TINAG: variants seen among roughly 807,000 people sequenced by gnomAD.
TINAG encodes tubulointerstitial nephritis antigen.
A neutral mutation model predicts 72.7 loss-of-function variants in TINAG; 83 were observed. The ratio of observed to expected loss-of-function variants is 1.14; its 90% confidence interval spans 0.96 to 1.37. The LOEUF (loss-of-function observed/expected upper bound fraction) is 1.37, where lower values mean the gene tolerates loss of function less well. TINAG is among the 40% of genes most tolerant of loss of function. The pLI is 0.00. For synonymous variants in TINAG, 234 were observed against 189.9 expected, an observed-to-expected ratio of 1.23 and a Z score of -1.91; for missense variants, 685 against 576.6, an observed-to-expected ratio of 1.19 and a Z score of -1.93.
chr6:54,343,200 T>C, intron 4 of TINAG, 26 bp from the exon 5 acceptor site: 2 of 1,494,884 alleles, frequency 1.3e-6, no homozygotes, highest in Non-Finnish European at 1.8e-6. Flanking sequence ...GAAAATCTCA[T>C]ATATGTACCT....
chr6:54,308,233 A>G, upstream of TINAG: 2 of 943,080 alleles, frequency 2.1e-6, no homozygotes, highest in Non-Finnish European at 3.2e-6. Flanking sequence ...AGAGGCATGC[A>G]ATAGTCAATG....
At chr6:54,372,723 CATACATATATATATATATATATATAT>C (rs1763658099) in intron 9 of TINAG, among the ~76,000 whole-genome samples, 1 of 122,598 alleles carries the variant, frequency 8.2e-6, no homozygotes, top group Non-Finnish European at 1.6e-5. Context: ...TATATAAATA[CATACATATATATATATATATATATAT>C]ATATATATAT....
intron 4 of TINAG, among the ~76,000 whole-genome samples, chr6:54,341,868 G>A (rs781664173): frequency 2.0e-5 from 3 of 152,136 alleles, no homozygotes; most frequent in Non-Finnish European, 2.9e-5. Context: ...AGTCCTAGGA[G>A]CATTTCTTGT....
At chr6:54,312,511 T>C (rs528735655) in intron 1 of TINAG, among the ~76,000 whole-genome samples, 5 of 152,168 alleles carry the variant, frequency 3.3e-5, no homozygotes, top group Non-Finnish European at 7.4e-5. Context: ...AAGTTCCCTT[T>C]AAGACTAGTA....
intron 10 of TINAG, 100 bp from the exon 11 acceptor site, chr6:54,389,687 GATAA>G: frequency 1.5e-6 from 2 of 1,367,892 alleles, no homozygotes; most frequent in Non-Finnish European, 2.0e-6. Flanking sequence ...TATAGTCTAT[GATAA>G]ATCAAAGGCA....
intron 10 of TINAG, among the ~76,000 whole-genome samples, chr6:54,383,264 A>G (rs903892592): frequency 2.0e-5 from 3 of 152,178 alleles, no homozygotes; most frequent in Non-Finnish European, 4.4e-5. Flanking sequence ...CAGGAAAGCA[A>G]AAACTTTATT....
At chr6:54,369,017 A>G (rs1372809429) in intron 9 of TINAG, among the ~76,000 whole-genome samples, 2 of 151,888 alleles carry the variant, frequency 1.3e-5, no homozygotes, top group Non-Finnish European at 2.9e-5. Flanking sequence ...TTTTCTGATC[A>G]TAAAAGTAAT....
intron 2 of TINAG, 45 bp from the exon 3 acceptor site, chr6:54,321,252 C>T: frequency 7.1e-7 from 1 of 1,418,284 alleles, no homozygotes; most frequent in Non-Finnish European, 1.0e-6. Context: ...TTGAAATATA[C>T]TTCATAAAGA....
At chr6:54,388,589 G>A (rs969554629) in intron 10 of TINAG, among the ~76,000 whole-genome samples, 1 of 152,184 alleles carries the variant, frequency 6.6e-6, no homozygotes, top group African/African-American at 2.4e-5. Flanking sequence ...GCGAGTGTGA[G>A]AGCTGTTGAG....
Position 54,370,854 on chromosome 6 carries a change from G to T in TINAG, c.1251-9672G>T, listed in dbSNP as rs1456798134. 2.0e-5 allele frequency among the ~76,000 whole-genome samples: 3 copies of T among 152,038 alleles called. No homozygotes were observed. The East Asian group carries it at 5.8e-4, about 29-fold the overall frequency. ...GAATCAACTTGACAGAACAGTTTGT[G>T]TTCCATTTGTTTTGTCTTGTTTGAC... On this transcript the variant is annotated intron_variant, in intron 9 of 10. Transcript: ENST00000259782.
At chr6:54,318,059 G>A (rs1378960889) in intron 1 of TINAG, among the ~76,000 whole-genome samples, 1 of 151,750 alleles carries the variant, frequency 6.6e-6, no homozygotes, top group East Asian at 1.9e-4. Flanking sequence ...CCACTCCTTC[G>A]CAGTTTCCTC....
intron 4 of TINAG, among the ~76,000 whole-genome samples, chr6:54,338,331 G>T (rs1784915470): frequency 1.3e-5 from 2 of 152,078 alleles, no homozygotes; most frequent in Non-Finnish European, 2.9e-5. Context: ...CTGTTAAAAA[G>T]TAGACTTCTA....
intron 10 of TINAG, among the ~76,000 whole-genome samples, chr6:54,381,574 A>G (rs977983193): frequency 1.3e-5 from 2 of 152,198 alleles, no homozygotes; most frequent in East Asian, 3.9e-4. Flanking sequence ...TTGTTGATAC[A>G]TGGAGGTATG....
chr6:54,319,090 G>A (rs1174922010), intron 1 of TINAG, among the ~76,000 whole-genome samples: 1 of 151,934 alleles, frequency 6.6e-6, no homozygotes, highest in Non-Finnish European at 1.5e-5. Flanking sequence ...TTTCCTTAAG[G>A]ACCCTTGAGA....
chr6:54,329,972 G>T (rs1784699378), intron 4 of TINAG, among the ~76,000 whole-genome samples: 1 of 151,946 alleles, frequency 6.6e-6, no homozygotes, highest in East Asian at 1.9e-4. Context: ...GATTCATAAA[G>T]CAAGTTCTTA....
At chr6:54,375,853 A>T (rs1188484724) in intron 9 of TINAG, among the ~76,000 whole-genome samples, 1 of 152,154 alleles carries the variant, frequency 6.6e-6, no homozygotes, top group Non-Finnish European at 1.5e-5. Context: ...TGCTAACACC[A>T]GAGCTGTCTT....
chr6:54,344,405 G>A (rs1319195645), intron 5 of TINAG, among the ~76,000 whole-genome samples: 1 of 152,110 alleles, frequency 6.6e-6, no homozygotes, highest in Admixed American at 6.6e-5. Flanking sequence ...TGATGTCCTT[G>A]ATGTGTCAGG....
intron 1 of TINAG, among the ~76,000 whole-genome samples, chr6:54,316,754 TATC>T (rs1161714424): frequency 6.6e-6 from 1 of 152,188 alleles, no homozygotes; most frequent in Non-Finnish European, 1.5e-5. Context: ...ATAGACAACA[TATC>T]ATCATCTTTT....
intron 9 of TINAG, among the ~76,000 whole-genome samples, chr6:54,362,585 A>G (rs1763273286): frequency 6.6e-6 from 1 of 151,784 alleles, no homozygotes; most frequent in Admixed American, 6.6e-5. Flanking sequence ...ATGTGTGCTA[A>G]CACAATACCC....
Sources: allele counts gnomAD v4.1 joint callset (sites outside exome capture counted in the v4.1 genomes callset), GRCh38; gene constraint gnomAD v4.1.1; transcripts MANE v1.5; gene names NCBI Gene and HGNC (gene_info 2026-07-23, HGNC 2026-07-21).